CTNNA3: variants seen among roughly 807,000 people sequenced by gnomAD.
CTNNA3 encodes catenin alpha 3.
Under a neutral mutation model 95.7 loss-of-function variants are expected in CTNNA3, and 76 were observed. That is an observed-to-expected ratio of 0.79 (90% CI 0.66 to 0.96). The LOEUF (loss-of-function observed/expected upper bound fraction) is 0.96, where lower values mean the gene tolerates loss of function less well. Ranked by LOEUF, CTNNA3 falls within the 40% of genes least tolerant of loss-of-function variation. The pLI, the probability that CTNNA3 is intolerant of heterozygous loss-of-function variation, is 0.00. For synonymous variants in CTNNA3, 431 were observed against 374.4 expected, an observed-to-expected ratio of 1.15 and a Z score of -1.74; for missense variants, 1,191 against 1,089.8, an observed-to-expected ratio of 1.09 and a Z score of -1.31.
At chr10:67,176,983 A>G (rs1245788616) in intron 7 of CTNNA3, 1 of 499,442 alleles carries the variant, frequency 2.0e-6, no homozygotes, top group Non-Finnish European at 4.0e-6. Flanking sequence ...TTGATTACAG[A>G]GCTGAAAGAC....
chr10:67,671,338 C>T (rs979266380), intron 1 of CTNNA3, among the ~76,000 whole-genome samples: 1 of 151,832 alleles, frequency 6.6e-6, no homozygotes, highest in African/African-American at 2.4e-5. Context: ...TGATGACATC[C>T]GTTATTAACT....
At chr10:67,455,578 T>C (rs1847143920) in intron 5 of CTNNA3, among the ~76,000 whole-genome samples, 1 of 152,168 alleles carries the variant, frequency 6.6e-6, no homozygotes, top group Admixed American at 6.6e-5. Flanking sequence ...TCATCATTGA[T>C]AAGTCATGTC....
intron 7 of CTNNA3, among the ~76,000 whole-genome samples, chr10:67,021,727 C>G (rs191114667): frequency 2.0e-5 from 3 of 152,208 alleles, no homozygotes; most frequent in Admixed American, 6.5e-5. Context: ...AAAATTTCCT[C>G]TTAAGATTTC....
At chr10:67,610,915 G>A (rs371473471) in intron 2 of CTNNA3, among the ~76,000 whole-genome samples, 1 of 152,134 alleles carries the variant, frequency 6.6e-6, no homozygotes, top group Non-Finnish European at 1.5e-5. Flanking sequence ...CTCCAAGCTT[G>A]CAGCATTAGA....
chr10:66,818,744 A>G (rs1336225311), intron 7 of CTNNA3, among the ~76,000 whole-genome samples: 2 of 152,112 alleles, frequency 1.3e-5, no homozygotes, highest in Non-Finnish European at 2.9e-5. Flanking sequence ...TTTTTCAGAA[A>G]TTGGCAAGTT....
At chr10:66,106,140 G>T (rs2081894464) in intron 13 of CTNNA3, among the ~76,000 whole-genome samples, 1 of 151,630 alleles carries the variant, frequency 6.6e-6, no homozygotes, top group Non-Finnish European at 1.5e-5. Context: ...CCAGGCGGCG[G>T]AGGTTGCAGC....
At chr10:66,001,219 T>C (rs571666464) in intron 15 of CTNNA3, among the ~76,000 whole-genome samples, 9 of 152,268 alleles carry the variant, frequency 5.9e-5, no homozygotes, top group African/African-American at 2.2e-4. Flanking sequence ...GGGGTTTCTT[T>C]CTTGAGATAT....
chr10:67,316,326 T>C (rs1270129361), intron 5 of CTNNA3, among the ~76,000 whole-genome samples: 14 of 152,206 alleles, frequency 9.2e-5, no homozygotes, highest in Non-Finnish European at 1.9e-4. Context: ...GGAGTGTTTT[T>C]CTGCGTTCTT....
rs924878178 is a variant in CTNNA3, at chr10:67,400,865, T to A, written c.579+120977A>T. 5.3e-5 allele frequency among the ~76,000 whole-genome samples: 8 copies of A among 152,292 alleles called. No individual in the cohort carries two copies. In the East Asian group the frequency reaches 1.5e-3, roughly 29 times the overall value. On this transcript the variant is annotated intron_variant, in intron 5 of 17. Coordinates refer to ENST00000433211, the MANE Select transcript of CTNNA3 (RefSeq NM_013266.4). Reference sequence around the variant, plus strand: ...AACCACTTAGAAAAGAATATTAGAATTAAATTACAGAGAAATTTACAACTA... The same window carrying A: ...AACCACTTAGAAAAGAATATTAGAAATAAATTACAGAGAAATTTACAACTA...
At chr10:67,543,642 G>C (rs1186579106) in intron 3 of CTNNA3, among the ~76,000 whole-genome samples, 1 of 152,056 alleles carries the variant, frequency 6.6e-6, no homozygotes, top group African/African-American at 2.4e-5. Flanking sequence ...ATTCAATTAA[G>C]ATTTCTAATA....
At position 67,180,365 on chromosome 10, in the gene CTNNA3, G is replaced by T. The variant is rs146754105; in HGVS notation, c.999C>A (p.Asn333Lys). 3.5e-5 allele frequency: 56 copies of T among 1,613,510 alleles called. No individual in the cohort carries two copies. The highest frequency in any genetic ancestry group is 2.2e-4 in the Admixed American group (13 of 59,946). Residue 333 changes from asparagine (N) to lysine (K), a missense_variant, in exon 7 of 18, where the codon AAC becomes AAA. Transcript: ENST00000433211. ...LHRERIIAEC[N>K]AIRQALQDLL... Reference sequence around the variant, plus strand: ...GATCCTGAAGAGCCTGGCGAATGGCGTTGCATTCTGCGATAATCCGCTCTC... The same window carrying T: ...GATCCTGAAGAGCCTGGCGAATGGCTTTGCATTCTGCGATAATCCGCTCTC...
chr10:67,351,339 A>G (rs76274996), intron 5 of CTNNA3, among the ~76,000 whole-genome samples: 1,618 of 151,386 alleles, frequency 0.011, 24 homozygotes, highest in African/African-American at 0.033. Context: ...TATACACCAA[A>G]AAAGTCAATT....
intron 2 of CTNNA3, among the ~76,000 whole-genome samples, chr10:67,627,204 C>T (rs1838987660): frequency 6.6e-6 from 1 of 152,222 alleles, no homozygotes; most frequent in South Asian, 2.1e-4. Flanking sequence ...GCTCTGCCTC[C>T]TGGTCATGCT....
intron 7 of CTNNA3, among the ~76,000 whole-genome samples, chr10:66,808,114 C>T (rs542453738): frequency 1.3e-5 from 2 of 152,144 alleles, no homozygotes; most frequent in African/African-American, 2.4e-5. Flanking sequence ...CAGGTCTCAT[C>T]GGCAAAAATG....
At chr10:66,495,017 G>A (rs1352812978) in intron 11 of CTNNA3, among the ~76,000 whole-genome samples, 1 of 152,148 alleles carries the variant, frequency 6.6e-6, no homozygotes, top group African/African-American at 2.4e-5. Context: ...AAATGCAGAG[G>A]GGAATGGGTG....
Position 66,345,585 on chromosome 10 carries a change from T to G in CTNNA3, c.1732+33567A>C, listed in dbSNP as rs558722169. Among the ~76,000 whole-genome samples, 3 of 152,238 alleles carry G rather than the reference T, an allele frequency of 2.0e-5. No individual in the cohort carries two copies. In the South Asian group the frequency reaches 6.2e-4, roughly 32 times the overall value. On this transcript the variant is annotated intron_variant, in intron 12 of 17. Transcript: ENST00000433211. ...TAAACAATTCTTTTCTGAGAATAAC[T>G]GTACCCAAAGAAGGTGGAAACTTGG...
At chr10:65,923,822 A>C (rs2077125400) in intron 17 of CTNNA3, among the ~76,000 whole-genome samples, 1 of 152,220 alleles carries the variant, frequency 6.6e-6, no homozygotes, top group Non-Finnish European at 1.5e-5. Context: ...ATGTAACACT[A>C]CAGAAAGGGC....
chr10:66,550,421 T>G (rs962404251), intron 10 of CTNNA3, among the ~76,000 whole-genome samples: 3 of 152,184 alleles, frequency 2.0e-5, no homozygotes, highest in Non-Finnish European at 2.9e-5. Context: ...GCAAGGGATA[T>G]GCAAAATAGG....
chr10:67,600,328 C>A (rs1233120755), intron 3 of CTNNA3, among the ~76,000 whole-genome samples: 1 of 151,362 alleles, frequency 6.6e-6, no homozygotes, highest in Non-Finnish European at 1.5e-5. Flanking sequence ...TTTTTTTTAA[C>A]AGAACATAAA....
Sources: gnomAD v4.1 joint callset for allele counts (sites outside exome capture counted in the v4.1 genomes callset) on GRCh38, gnomAD v4.1.1 for gene constraint, MANE v1.5 for transcripts, NCBI Gene and HGNC (gene_info 2026-07-23, HGNC 2026-07-21) for gene names.